The following SPINK7 variants were observed in gnomAD, a reference collection of about 807,000 sequenced individuals.
The protein encoded by SPINK7 is serine peptidase inhibitor Kazal type 7.
A neutral mutation model predicts 11.6 loss-of-function variants in SPINK7; 8 were observed. The observed-to-expected ratio is 0.69, with a 90% confidence interval of 0.41 to 1.25. SPINK7 has a LOEUF of 1.25. SPINK7 is among the 50% of genes most tolerant of loss of function. The pLI is 0.01. For missense variants in SPINK7, 113 were observed against 99.3 expected (o/e 1.14, Z -0.58); for synonymous variants, 38 against 35.3 (o/e 1.08, Z -0.27).
At chr5:148,315,550 C>A (rs1304732827) in intron 3 of SPINK7, 89 bp from the exon 4 acceptor site, 10 of 729,446 alleles carry the variant, frequency 1.4e-5, no homozygotes, top group Non-Finnish European at 2.4e-5. Flanking sequence ...GAGGTGCTGC[C>A]TCATAATCTC....
chr5:148,313,201 T>C (rs1756883312), intron 1 of SPINK7, among the ~76,000 whole-genome samples, 173 bp from the exon 2 acceptor site: 3 of 152,074 alleles, frequency 2.0e-5, no homozygotes. Context: ...CCTAACCCAT[T>C]GGCCATTCAA....
intron 3 of SPINK7, 29 bp from the exon 4 acceptor site, chr5:148,315,610 T>G: frequency 6.6e-7 from 1 of 1,505,316 alleles, no homozygotes; most frequent in Non-Finnish European, 9.2e-7. Flanking sequence ...CTTGTGCTAA[T>G]GAATCTTGTG....
At position 148,315,876 on chromosome 5, in the gene SPINK7, C is replaced by T. The variant is rs1286949846; in HGVS notation, c.*192C>T. 1 of 398,080 alleles carries T rather than the reference C, an allele frequency of 2.5e-6. No homozygotes were observed. The highest frequency in any genetic ancestry group is 4.5e-6 in the Non-Finnish European group (1 of 223,102). The allele number at this position is 398,080 out of a possible 1,614,324, so 24.7% of individuals were successfully genotyped here. Reference sequence around the variant, plus strand: ...AACCCATGCCTCACTGACAGACCAGCATTTTTTTTTTAACACGTCAATAAA... The same window carrying T: ...AACCCATGCCTCACTGACAGACCAGTATTTTTTTTTTAACACGTCAATAAA... On this transcript the variant is annotated 3_prime_UTR_variant, in exon 4 of 4. Transcript: ENST00000274565.
chr5:148,315,266 C>T (rs1271519651), intron 3 of SPINK7, among the ~76,000 whole-genome samples: 1 of 152,116 alleles, frequency 6.6e-6, no homozygotes, highest in African/African-American at 2.4e-5. Context: ...TGGAGAGAAA[C>T]ATGATGAAAG....
At chr5:148,314,510 A>G (rs1756904973) in intron 3 of SPINK7, 1 of 459,900 alleles carries the variant, frequency 2.2e-6, no homozygotes, top group African/African-American at 1.9e-5. Flanking sequence ...CTGTCCCCAG[A>G]GCACAGAGGT....
At chr5:148,313,025 A>C (rs1049397559) in intron 1 of SPINK7, among the ~76,000 whole-genome samples, 1 of 152,138 alleles carries the variant, frequency 6.6e-6, no homozygotes, top group African/African-American at 2.4e-5. Context: ...TGGGAAGGAA[A>C]GGATATCAGA....
chr5:148,315,495 C>A, intron 3 of SPINK7, 144 bp from the exon 4 acceptor site: 1 of 530,042 alleles, frequency 1.9e-6, no homozygotes, highest in Non-Finnish European at 3.5e-6. Context: ...TGTGCTTTGG[C>A]AAGGTCATTC....
At chr5:148,312,711 A>G (rs962052162) in intron 1 of SPINK7, among the ~76,000 whole-genome samples, 167 bp downstream of exon 1, 3 of 152,098 alleles carry the variant, frequency 2.0e-5, no homozygotes, top group Non-Finnish European at 4.4e-5. Flanking sequence ...CTTGAGTCCA[A>G]TGTCTTCACT....
At chr5:148,313,425 T>G (rs746732051) in intron 2 of SPINK7, 26 bp downstream of exon 2, 1 of 1,549,112 alleles carries the variant, frequency 6.5e-7, no homozygotes, top group East Asian at 2.3e-5. Flanking sequence ...AACATTTTAA[T>G]GTCAATAACT....
At chr5:148,314,335 T>A in intron 3 of SPINK7, 111 bp downstream of exon 3, 1 of 1,273,042 alleles carries the variant, frequency 7.9e-7, no homozygotes, top group Non-Finnish European at 1.1e-6. Context: ...TTTATAATTA[T>A]TCCCACCCAG....
chr5:148,314,316 A>G, intron 3 of SPINK7, 92 bp downstream of exon 3: 1 of 1,405,246 alleles, frequency 7.1e-7, no homozygotes, highest in Non-Finnish European at 9.9e-7. Context: ...AAATCTCTAT[A>G]AGCTGTAATT....
intron 3 of SPINK7, among the ~76,000 whole-genome samples, chr5:148,314,692 C>A (rs570494544): frequency 5.3e-5 from 8 of 152,186 alleles, no homozygotes; most frequent in African/African-American, 1.9e-4. Context: ...AACTACTACA[C>A]TACCTGACTT....
chr5:148,315,698 A>T lies in SPINK7; in HGVS notation c.*14A>T, dbSNP rs1581179666. ...GGAAGTTGCTAAATTCTCCATGGAC[A>T]TAGAGAGAAAGGAATGATATTCTCA... On this transcript the variant is annotated 3_prime_UTR_variant, in exon 4 of 4. Transcript: ENST00000274565. 1 of 1,507,198 alleles carries T rather than the reference A, an allele frequency of 6.6e-7. No homozygotes were observed. Among genetic ancestry groups the T allele is most frequent in the South Asian group, 1.1e-5 (1 of 88,620 alleles). 93.4% of individuals were successfully genotyped at this position (1,507,198 alleles called of 1,614,324 possible).
chr5:148,314,374 G>A, intron 3 of SPINK7, 150 bp downstream of exon 3: 1 of 854,868 alleles, frequency 1.2e-6, no homozygotes, highest in Non-Finnish European at 1.8e-6. Context: ...AAAACTGACT[G>A]TTGCACAATC....
chr5:148,314,302 G>T, intron 3 of SPINK7, 78 bp downstream of exon 3: 1 of 1,498,132 alleles, frequency 6.7e-7, no homozygotes, highest in Non-Finnish European at 9.2e-7. Flanking sequence ...CCAGGATCCA[G>T]CTTAAATCTC....
chr5:148,314,525 T>C (rs1215905149), intron 3 of SPINK7: 3 of 410,064 alleles, frequency 7.3e-6, no homozygotes, highest in Non-Finnish European at 1.3e-5. Context: ...AGAGGTTCTA[T>C]AGAGGCAAGT....
intron 2 of SPINK7, 82 bp downstream of exon 2, chr5:148,313,481 AG>A: frequency 9.4e-7 from 1 of 1,064,694 alleles, no homozygotes; most frequent in Non-Finnish European, 1.4e-6. Flanking sequence ...AATTATGTTT[AG>A]GGGGATTCGA....
chr5:148,312,862 C>T (rs1756878918), intron 1 of SPINK7, among the ~76,000 whole-genome samples: 1 of 152,028 alleles, frequency 6.6e-6, no homozygotes, highest in African/African-American at 2.4e-5. Flanking sequence ...TACAGAAAAA[C>T]TTGGATGTCT....
chr5:148,312,675 T>G, intron 1 of SPINK7, 131 bp downstream of exon 1: 2 of 583,120 alleles, frequency 3.4e-6, no homozygotes, highest in Non-Finnish European at 3.1e-6. Context: ...TAATAGGATC[T>G]TATGTTCCAT....
Sources: gnomAD v4.1 joint callset for allele counts (sites outside exome capture counted in the v4.1 genomes callset) on GRCh38, gnomAD v4.1.1 for gene constraint, MANE v1.5 for transcripts, NCBI Gene and HGNC (gene_info 2026-07-23, HGNC 2026-07-21) for gene names.